Variants in CCSER1 observed in about 807,000 individuals in gnomAD.
CCSER1 encodes the protein coiled-coil serine rich protein 1.
In CCSER1, 41 loss-of-function variants were observed where a neutral mutation model predicts 82.0. That is an observed-to-expected ratio of 0.50 (90% CI 0.39 to 0.65). The LOEUF is 0.65. Among genes scored for constraint, CCSER1 ranks in the 30% least tolerant of loss-of-function variants. The pLI, the probability that CCSER1 is intolerant of heterozygous loss-of-function variation, is 0.00. For synonymous variants in CCSER1, 414 were observed against 383.9 expected (o/e 1.08, Z -0.92); for missense variants, 1,119 against 1,064.2 (o/e 1.05, Z -0.72).
chr4:91,209,977 C>A (rs1736675020), intron 10 of CCSER1, among the ~76,000 whole-genome samples: 1 of 151,778 alleles, frequency 6.6e-6, no homozygotes, highest in African/African-American at 2.4e-5. Flanking sequence ...AAATTCTATT[C>A]TCTACTAAAA....
chr4:91,192,135 A>G (rs1302144863), intron 10 of CCSER1, among the ~76,000 whole-genome samples: 3 of 152,144 alleles, frequency 2.0e-5, no homozygotes, highest in African/African-American at 7.2e-5. Flanking sequence ...CCTGTGAGAC[A>G]TTATCTTTCT....
At chr4:90,878,604 C>A (rs1187585648) in intron 8 of CCSER1, among the ~76,000 whole-genome samples, 5 of 152,038 alleles carry the variant, frequency 3.3e-5, no homozygotes, top group African/African-American at 7.2e-5. Flanking sequence ...TGTTCTCATA[C>A]CCCTACCCTG....
At chr4:90,193,422 A>G (rs1423256487) in intron 1 of CCSER1, among the ~76,000 whole-genome samples, 2 of 151,996 alleles carry the variant, frequency 1.3e-5, no homozygotes, top group Non-Finnish European at 1.5e-5. Flanking sequence ...GGAATTGAAT[A>G]GCTAAGTATG....
intron 10 of CCSER1, among the ~76,000 whole-genome samples, chr4:91,102,376 G>A (rs554728582): frequency 2.0e-5 from 3 of 152,262 alleles, no homozygotes; most frequent in Non-Finnish European, 4.4e-5. Context: ...TTGTAGCTTC[G>A]TACAGCAAGG....
At chr4:90,330,658 G>T (rs1322947668) in intron 3 of CCSER1, among the ~76,000 whole-genome samples, 1 of 152,108 alleles carries the variant, frequency 6.6e-6, no homozygotes, top group Non-Finnish European at 1.5e-5. Context: ...CTATTAATGC[G>T]TGCTTTTCTC....
chr4:90,571,322 A>G (rs1481978974), intron 5 of CCSER1, among the ~76,000 whole-genome samples: 2 of 152,254 alleles, frequency 1.3e-5, no homozygotes, highest in Admixed American at 1.3e-4. Flanking sequence ...AAGGGATGGA[A>G]GCAACCTAGA....
chr4:91,508,167 T>G (rs1759620320), intron 10 of CCSER1, among the ~76,000 whole-genome samples: 2 of 145,544 alleles, frequency 1.4e-5, no homozygotes, highest in Non-Finnish European at 3.0e-5. Flanking sequence ...TCTGGGTTTT[T>G]TTTTTTTTTT....
intron 4 of CCSER1, among the ~76,000 whole-genome samples, chr4:90,417,211 A>T (rs1162612465): frequency 6.6e-6 from 1 of 152,230 alleles, no homozygotes; most frequent in Non-Finnish European, 1.5e-5. Context: ...AACTTAAAGT[A>T]TAATAAATAT....
intron 1 of CCSER1, among the ~76,000 whole-genome samples, chr4:90,129,719 T>C (rs987916346): frequency 2.6e-5 from 4 of 152,250 alleles, no homozygotes; most frequent in African/African-American, 7.2e-5. Context: ...TTTATTGCTT[T>C]CCTAAACAGT....
In CCSER1 at chr4:91,195,123, C is replaced by T. The variant is rs116806571; in HGVS notation, c.2217+109129C>T. 4.9e-3 allele frequency among the ~76,000 whole-genome samples: 746 copies of T among 152,202 alleles called. 5 individuals carry two copies. The highest frequency in any genetic ancestry group is 0.017 in the African/African-American group (701 of 41,540). ...TGGCCAGTAGTAATAATGATTTTCA[C>T]GAATAGAAATAGGTTGTCCATGCTG... On this transcript the variant is annotated intron_variant, in intron 10 of 10. Coordinates refer to ENST00000509176, the MANE Select transcript of CCSER1 (RefSeq NM_001145065.2).
At chr4:91,137,628 A>G (rs2148921847) in intron 10 of CCSER1, among the ~76,000 whole-genome samples, 1 of 145,912 alleles carries the variant, frequency 6.9e-6, no homozygotes. Flanking sequence ...AGTCCCACCA[A>G]CAGTGTCAAA....
intron 5 of CCSER1, among the ~76,000 whole-genome samples, chr4:90,579,491 G>A (rs908166067): frequency 6.6e-6 from 1 of 152,130 alleles, no homozygotes; most frequent in Non-Finnish European, 1.5e-5. Flanking sequence ...GCCTGGAATT[G>A]CATGACAAGC....
chr4:91,081,590 G>A lies in CCSER1; in HGVS notation c.2173-4360G>A, dbSNP rs576618589. Among the ~76,000 whole-genome samples the A allele has an allele frequency of 2.7e-3, 408 of 149,546 alleles. 1 individual carries two copies. The highest frequency in any genetic ancestry group is 4.7e-3 in the Non-Finnish European group (317 of 67,988). Reference sequence around the variant, plus strand: ...CAATCAGGCAAGAGAAAGAAATAAAGGGTATTCAATTAGGAAAAGAGGAAG... The same window carrying A: ...CAATCAGGCAAGAGAAAGAAATAAAAGGTATTCAATTAGGAAAAGAGGAAG... On this transcript the variant is annotated intron_variant, in intron 9 of 10. Coordinates refer to ENST00000509176, the MANE Select transcript of CCSER1 (RefSeq NM_001145065.2).
intron 8 of CCSER1, among the ~76,000 whole-genome samples, chr4:90,905,211 C>T (rs897717344): frequency 6.6e-6 from 1 of 152,046 alleles, no homozygotes; most frequent in Non-Finnish European, 1.5e-5. Context: ...CTTCTGCATA[C>T]AACAGACAGA....
intron 5 of CCSER1, among the ~76,000 whole-genome samples, chr4:90,585,156 A>G (rs2148659156): frequency 6.6e-6 from 1 of 152,342 alleles, no homozygotes; most frequent in Middle Eastern, 3.4e-3. Context: ...CAAGGATATA[A>G]AAATTAAAGC....
intron 5 of CCSER1, among the ~76,000 whole-genome samples, chr4:90,479,593 A>T (rs140460505): frequency 0.016 from 2,417 of 151,552 alleles, 40 homozygotes; most frequent in African/African-American, 0.047. Context: ...GTACTCATTG[A>T]TCAATTCCCA....
intron 8 of CCSER1, among the ~76,000 whole-genome samples, chr4:90,917,575 A>C (rs1207480157): frequency 6.6e-6 from 1 of 152,098 alleles, no homozygotes; most frequent in Non-Finnish European, 1.5e-5. Flanking sequence ...TGACCAGTTA[A>C]TGGGTGCAGC....
intron 10 of CCSER1, among the ~76,000 whole-genome samples, chr4:91,570,210 A>G (rs371345118): frequency 6.6e-6 from 1 of 152,172 alleles, no homozygotes; most frequent in Non-Finnish European, 1.5e-5. Context: ...GTCTAGCCCC[A>G]GTTCTGGTTG....
intron 9 of CCSER1, among the ~76,000 whole-genome samples, chr4:91,006,726 C>CAG (rs1738550536): frequency 6.6e-6 from 1 of 152,010 alleles, no homozygotes; most frequent in Admixed American, 6.6e-5. Flanking sequence ...CTCCTGACCT[C>CAG]GTGATCCACC....
Sources: allele counts gnomAD v4.1 joint callset (sites outside exome capture counted in the v4.1 genomes callset), GRCh38; gene constraint gnomAD v4.1.1; transcripts MANE v1.5; gene names NCBI Gene and HGNC (gene_info 2026-07-23, HGNC 2026-07-21).